The following DISC1 variants were observed in gnomAD, a reference collection of about 807,000 sequenced individuals.
DISC1 encodes the protein DISC1 scaffold protein, also known as disrupted in schizophrenia 1 protein.
Under a neutral mutation model 84.5 loss-of-function variants are expected in DISC1, and 57 were observed. That is an observed-to-expected ratio of 0.67 (90% CI 0.55 to 0.84). The LOEUF (loss-of-function observed/expected upper bound fraction) is 0.84, where lower values mean the gene tolerates loss of function less well. Ranked by LOEUF, DISC1 falls within the 40% of genes least tolerant of loss-of-function variation. The pLI is 0.00. For missense variants in DISC1, 1,000 were observed against 1,057.8 expected (o/e 0.95, Z 0.76); for synonymous variants, 411 against 415.2 (o/e 0.99, Z 0.12).
intron 9 of DISC1, among the ~76,000 whole-genome samples, chr1:231,888,563 A>G (rs1363504000): frequency 3.3e-5 from 5 of 151,474 alleles, no homozygotes; most frequent in African/African-American, 4.9e-5. Context: ...GTGAAACCCC[A>G]TCTCTACTAA....
chr1:231,752,026 C>T (rs1267997533), intron 4 of DISC1, among the ~76,000 whole-genome samples: 1 of 152,204 alleles, frequency 6.6e-6, no homozygotes, highest in African/African-American at 2.4e-5. Flanking sequence ...GCAGATCCAC[C>T]AGCAGGTGAG....
chr1:232,000,733 A>T (rs192564014), intron 10 of DISC1, among the ~76,000 whole-genome samples: 1 of 152,230 alleles, frequency 6.6e-6, no homozygotes, highest in Non-Finnish European at 1.5e-5. Context: ...CAAAATTTCA[A>T]TAACAGTGAA....
chr1:231,911,028 G>A (rs1274824702), intron 9 of DISC1, among the ~76,000 whole-genome samples: 3 of 152,194 alleles, frequency 2.0e-5, no homozygotes, highest in East Asian at 3.9e-4. Context: ...CATTTGCTTG[G>A]TAGATTTTCC....
At chr1:231,693,192 T>C (rs1488223402) in intron 1 of DISC1, among the ~76,000 whole-genome samples, 14 of 152,230 alleles carry the variant, frequency 9.2e-5, no homozygotes, top group African/African-American at 3.4e-4. Context: ...ATTGTTCCTA[T>C]TCCTATAGCA....
intron 10 of DISC1, among the ~76,000 whole-genome samples, chr1:231,985,189 G>A (rs1572490616): frequency 6.6e-6 from 1 of 152,030 alleles, no homozygotes; most frequent in Non-Finnish European, 1.5e-5. Context: ...AGCCAGGCAT[G>A]GTGGTGCATG....
At chr1:231,962,945 G>A (rs148537248) in intron 10 of DISC1, among the ~76,000 whole-genome samples, 1 of 152,242 alleles carries the variant, frequency 6.6e-6, no homozygotes, top group Non-Finnish European at 1.5e-5. Flanking sequence ...TCACAAGCCT[G>A]CCTACCTTTA....
At chr1:231,664,452 T>G (rs1387344686) in intron 1 of DISC1, among the ~76,000 whole-genome samples, 1 of 152,170 alleles carries the variant, frequency 6.6e-6, no homozygotes, top group East Asian at 1.9e-4. Flanking sequence ...AAAAGGGACT[T>G]TGCAGATGAG....
chr1:231,764,175 G>A (rs1414591446), intron 4 of DISC1, among the ~76,000 whole-genome samples: 4 of 152,192 alleles, frequency 2.6e-5, no homozygotes, highest in African/African-American at 9.7e-5. Flanking sequence ...GCCTCCAAGT[G>A]TCAGAGCCAC....
chr1:231,725,883 C>T (rs952778941), intron 3 of DISC1, among the ~76,000 whole-genome samples: 2 of 151,918 alleles, frequency 1.3e-5, no homozygotes, highest in Middle Eastern at 3.2e-3. Context: ...TGAGATTGGT[C>T]CTACGAGTGC....
intron 4 of DISC1, among the ~76,000 whole-genome samples, chr1:231,762,106 TCTTTC>T (rs915293030): frequency 1.3e-5 from 2 of 151,992 alleles, no homozygotes; most frequent in South Asian, 2.1e-4. Flanking sequence ...TTTTCTTTCT[TCTTTC>T]CTTTCTTTTC....
intron 6 of DISC1, chr1:231,774,546 T>C (rs2076812780): frequency 5.5e-6 from 2 of 361,338 alleles, no homozygotes; most frequent in Non-Finnish European, 1.1e-5. Flanking sequence ...CTAATTTACT[T>C]TGAGGTGCAG....
intron 9 of DISC1, 80 bp from the exon 10 acceptor site, chr1:231,958,748 C>T: frequency 7.1e-7 from 1 of 1,407,582 alleles, no homozygotes; most frequent in Non-Finnish European, 1.0e-6. Context: ...AATCCTTTGG[C>T]TTTGAGCTTT....
rs372702363 is a variant in DISC1 at position 231,818,426 on chromosome 1, G to T, written c.1890G>T (p.Val630=). The part of the protein sequence containing the change: ...GLEGLLSKLL[V]LSSRNVKKLG... ...AGGGACTCCTCAGCAAGCTGTTGGT[G>T]TTGAGTTCCAGGAATGTCAAAAAGC... is the stretch of plus-strand genomic sequence containing the variant. The change falls in exon 9 of 13, where the codon GTG becomes GTT. Residue 630 remains valine (V), a synonymous_variant. Transcript: ENST00000439617. The T allele has an allele frequency of 1.6e-5, 26 of 1,614,208 alleles. No individual in the cohort carries two copies. The highest frequency in any genetic ancestry group is 1.9e-5 in the Non-Finnish European group (23 of 1,180,036).
intron 1 of DISC1, among the ~76,000 whole-genome samples, chr1:231,665,210 C>A (rs2061912908): frequency 6.6e-6 from 1 of 152,202 alleles, no homozygotes; most frequent in African/African-American, 2.4e-5. Context: ...GAAGTATCCA[C>A]TTAAAATGCC....
intron 1 of DISC1, among the ~76,000 whole-genome samples, chr1:231,680,328 T>C (rs368174237): frequency 1.3e-5 from 2 of 152,334 alleles, no homozygotes; most frequent in South Asian, 2.1e-4. Context: ...TCCTCAAGTA[T>C]AGATAAAAGA....
At chr1:231,790,717 A>G (rs2078278255) in intron 6 of DISC1, among the ~76,000 whole-genome samples, 1 of 151,766 alleles carries the variant, frequency 6.6e-6, no homozygotes, top group Admixed American at 6.6e-5. Context: ...ACGGGGTTTC[A>G]CCGTGTTAGC....
intron 2 of DISC1, among the ~76,000 whole-genome samples, chr1:231,695,282 G>A (rs1159691787): frequency 1.3e-5 from 2 of 152,174 alleles, no homozygotes; most frequent in Admixed American, 1.3e-4. Flanking sequence ...GGGAGACTTC[G>A]CTTCTGGTCA....
intron 9 of DISC1, among the ~76,000 whole-genome samples, chr1:231,924,312 C>T (rs2090200561): frequency 1.3e-5 from 2 of 152,192 alleles, no homozygotes; most frequent in Admixed American, 1.3e-4. Context: ...AACAGCTGTA[C>T]ATACAAAGGA....
intron 1 of DISC1, among the ~76,000 whole-genome samples, chr1:231,665,283 A>G (rs150318029): frequency 6.6e-6 from 1 of 151,870 alleles, no homozygotes; most frequent in Admixed American, 6.6e-5. Flanking sequence ...TATTGCAATG[A>G]AAGTTATCTC....
Sources: allele counts gnomAD v4.1 joint callset (sites outside exome capture counted in the v4.1 genomes callset), GRCh38; gene constraint gnomAD v4.1.1; transcripts MANE v1.5; gene names NCBI Gene and HGNC (gene_info 2026-07-23, HGNC 2026-07-21).